KDM5C: variants seen among roughly 807,000 people sequenced by gnomAD.
KDM5C encodes lysine demethylase 5C, also known as lysine-specific demethylase 5C.
A neutral mutation model predicts 110.6 loss-of-function variants in KDM5C; 16 were observed. The observed-to-expected ratio is 0.14, with a 90% CI of 0.10 to 0.22. KDM5C has a LOEUF of 0.22. Among genes scored for constraint, KDM5C ranks in the 10% least tolerant of loss-of-function variants. The probability of loss-of-function intolerance (pLI) is 1.00; values close to 1 mark genes in which losing one functional copy is unlikely to be tolerated. For missense variants in KDM5C, 681 were observed against 1,300.9 expected (o/e 0.52, Z 7.33); for synonymous variants, 511 against 520.4 (o/e 0.98, Z 0.24).
At chrX:53,181,028 G>C (rs1490334515) in intron 25 of KDM5C, among the ~76,000 whole-genome samples, 7 of 109,684 alleles carry the variant, frequency 6.4e-5, no homozygotes, top group Non-Finnish European at 1.9e-5. Context: ...ATGTGGGCCA[G>C]ACTGGTGTTG....
In KDM5C at chrX:53,192,908, A is replaced by G; in HGVS notation, c.*59T>C. 1 of 921,248 alleles carries G rather than the reference A, an allele frequency of 1.1e-6. No individual in the cohort carries two copies. Among genetic ancestry groups the G allele is most frequent in the Non-Finnish European group, 1.4e-6 (1 of 696,298 alleles). 75.9% of individuals were successfully genotyped at this position (921,248 alleles called of 1,213,427 possible). ...CAAGAAGCAGGCTTGATGGTCAGAA[A>G]GAGGATCCTTGAGGCCGAGGGGGGT... is the stretch of plus-strand genomic sequence containing the variant. On this transcript the variant is annotated 3_prime_UTR_variant, in exon 26 of 26. Coordinates refer to ENST00000375401, the MANE Select transcript of KDM5C (RefSeq NM_004187.5).
Position 53,214,676 on chromosome X carries a change from G to A in KDM5C, c.1122+13C>T. 1 of 1,202,827 alleles carries A rather than the reference G, an allele frequency of 8.3e-7. No homozygotes were observed. The highest frequency in any genetic ancestry group is 1.1e-6 in the Non-Finnish European group (1 of 890,487). On this transcript the variant is annotated intron_variant, in intron 8 of 25. Coordinates refer to ENST00000375401, the MANE Select transcript of KDM5C (RefSeq NM_004187.5). Reference sequence around the variant, plus strand: ...AAGCCCTATGAGGCAGATGTGGAGTGGGGAGGCCTTACCGCCATGACACAC... The same window carrying A: ...AAGCCCTATGAGGCAGATGTGGAGTAGGGAGGCCTTACCGCCATGACACAC...
chrX:53,211,346 C>G, intron 10 of KDM5C, 151 bp downstream of exon 10: 1 of 606,712 alleles, frequency 1.6e-6, no homozygotes, highest in East Asian at 3.6e-5. Context: ...ATGCCAGGTA[C>G]CAGACTGTTT....
intron 7 of KDM5C, chrX:53,215,120 C>G: frequency 4.3e-6 from 2 of 468,852 alleles, no homozygotes; most frequent in Non-Finnish European, 7.7e-6. Flanking sequence ...GGTATCCTTC[C>G]AAGTATATAC....
At chrX:53,206,630 G>A (rs374099655) in intron 12 of KDM5C, among the ~76,000 whole-genome samples, 4 of 110,158 alleles carry the variant, frequency 3.6e-5, no homozygotes, top group African/African-American at 9.9e-5. Context: ...TTGAGAGACC[G>A]AGGCGGGCAG....
At position 53,220,861 on chromosome X, in the gene KDM5C, A is replaced by T. The variant is rs2073876340; in HGVS notation, c.206T>A (p.Ile69Asn). 1 of 1,208,939 alleles carries T rather than the reference A, an allele frequency of 8.3e-7. No homozygotes were observed. The change falls in exon 2 of 26, where the codon ATC becomes AAC. Residue 69 changes from isoleucine to asparagine, a missense_variant. Coordinates refer to ENST00000375401, the MANE Select transcript of KDM5C (RefSeq NM_004187.5). Reference protein sequence around the residue: ...EVDNFRFTPRIQRLNELEAQT... With the variant: ...EVDNFRFTPRNQRLNELEAQT... ...CACCTCTAGCTCATTCAGCCTCTGG[A>T]TTCGGGGGGTAAACCTGAAGTTGTC...
chrX:53,181,942 C>T (rs782270039), intron 25 of KDM5C, among the ~76,000 whole-genome samples: 1 of 109,865 alleles, frequency 9.1e-6, no homozygotes, highest in African/African-American at 3.3e-5. Flanking sequence ...GCGCCCACCA[C>T]CACACCTGGC....
intron 7 of KDM5C, among the ~76,000 whole-genome samples, chrX:53,215,558 G>A (rs2073715832): frequency 9.0e-6 from 1 of 111,712 alleles, no homozygotes; most frequent in Admixed American, 9.5e-5. Flanking sequence ...GCAATGGAGA[G>A]TGAGACTCCT....
At chrX:53,206,031 G>A (rs1264591099) in intron 12 of KDM5C, among the ~76,000 whole-genome samples, 2 of 111,797 alleles carry the variant, frequency 1.8e-5, no homozygotes, top group Non-Finnish European at 3.8e-5. Flanking sequence ...TTTCCTATGT[G>A]GTTATTTAGA....
At chrX:53,207,385 T>C (rs1213273204) in intron 12 of KDM5C, among the ~76,000 whole-genome samples, 1 of 111,453 alleles carries the variant, frequency 9.0e-6, no homozygotes, top group Non-Finnish European at 1.9e-5. Flanking sequence ...ATGCATTTTA[T>C]ACTTTTGGCA....
chrX:53,189,936 A>G (rs1197799180), downstream of KDM5C, among the ~76,000 whole-genome samples: 1 of 112,684 alleles, frequency 8.9e-6, no homozygotes, highest in African/African-American at 3.2e-5. Context: ...GGGTTTGGGT[A>G]AAGTCCTTAA....
chrX:53,203,778 T>TG (rs1327212015), intron 12 of KDM5C, among the ~76,000 whole-genome samples: 1 of 109,670 alleles, frequency 9.1e-6, no homozygotes, highest in African/African-American at 3.3e-5. Context: ...TTTTGTTTTT[T>TG]TTTTTTGACG....
chrX:53,216,752 T>C (rs2073754001), intron 5 of KDM5C, among the ~76,000 whole-genome samples: 1 of 112,041 alleles, frequency 8.9e-6, no homozygotes. Flanking sequence ...TTATAGTGCA[T>C]TATGATCAAG....
At position 53,196,958 on chromosome X, in the gene KDM5C, G is replaced by C. The variant is rs1160780039; in HGVS notation, c.2709C>G (p.Ser903=). The C allele has an allele frequency of 9.2e-6, 11 of 1,194,995 alleles. No homozygotes were observed. The highest frequency in any genetic ancestry group is 1.1e-5 in the Non-Finnish European group (10 of 887,350). The change falls in exon 19 of 26, where the codon TCC becomes TCG. Residue 903 remains serine, a synonymous_variant. Transcript: ENST00000375401. ...SLPSSPGLLQ[S]LLERGRQLGV... The stretch of plus-strand genomic sequence containing the variant: ...CCAGCTGCCGCCCCCTCTCCAACAG[G>C]GACTGCAGTAGCCCTGGACTGGAGG...
chrX:53,199,568 C>T (rs2073076861), intron 14 of KDM5C, among the ~76,000 whole-genome samples: 1 of 111,768 alleles, frequency 8.9e-6, no homozygotes, highest in East Asian at 2.8e-4. Context: ...TCAGAGCCCA[C>T]TGTGTTCCAG....
chrX:53,191,405 GTTTC>G, downstream of KDM5C: 1 of 175,438 alleles, frequency 5.7e-6, no homozygotes, highest in Non-Finnish European at 1.1e-5. Context: ...GGGATATGGA[GTTTC>G]TTTCTGCAGT....
rs1556853095 is a variant in KDM5C, at chrX:53,218,333, G to A, written c.294C>T (p.Ser98=). The change falls in exon 3 of 26, where the codon TCC becomes TCT. Residue 98 remains serine, a synonymous_variant. Transcript: ENST00000375401. The part of the protein sequence containing the change: ...QIAKFWEIQG[S]SLKIPNVERR... ...GTTCTACATTGGGAATCTTTAAGGA[G>A]GAGCCCTGGATTTCCCAGAATTTGG... 3 of 1,209,788 alleles carry A rather than the reference G, an allele frequency of 2.5e-6. No individual in the cohort carries two copies. Among genetic ancestry groups the A allele is most frequent in the Non-Finnish European group, 2.2e-6 (2 of 893,727 alleles).
chrX:53,224,982 G>A lies in KDM5C; in HGVS notation c.-93C>T. On this transcript the variant is annotated 5_prime_UTR_variant, in exon 1 of 26. Coordinates refer to ENST00000375401, the MANE Select transcript of KDM5C (RefSeq NM_004187.5). ...GCTGTTTGAAGCCGAGGCAATGCTC[G>A]GAGGCTAGGCCCTAAGCGGGGCAGC... The A allele has an allele frequency of 9.5e-7, 1 of 1,055,137 alleles. No individual in the cohort carries two copies. Among genetic ancestry groups the A allele is most frequent in the Non-Finnish European group, 1.3e-6 (1 of 798,694 alleles). 87.0% of individuals were successfully genotyped at this position (1,055,137 alleles called of 1,213,427 possible). A position where few individuals can be genotyped will look rare whatever the true frequency, so the allele number is the denominator to read the frequency against.
chrX:53,186,668 A>G (rs1274375772), downstream of KDM5C, among the ~76,000 whole-genome samples: 4 of 112,294 alleles, frequency 3.6e-5, no homozygotes, highest in African/African-American at 1.3e-4. Flanking sequence ...CTTGGTTTAT[A>G]CATAGCCCTG....
Sources: allele counts gnomAD v4.1 joint callset (sites outside exome capture counted in the v4.1 genomes callset), GRCh38; gene constraint gnomAD v4.1.1; transcripts MANE v1.5; gene names NCBI Gene and HGNC (gene_info 2026-07-23, HGNC 2026-07-21).